Variants in ZNF616 observed in about 807,000 individuals in gnomAD.
ZNF616 encodes the protein zinc finger protein 616.
In ZNF616, 5 loss-of-function variants were observed where a neutral mutation model predicts 7.6. The ratio of observed to expected loss-of-function variants is 0.66; its 90% CI spans 0.34 to 1.38. ZNF616 has a LOEUF of 1.38. Ranked by LOEUF, ZNF616 falls within the 40% of genes most tolerant of loss-of-function variation. The pLI is 0.04. For missense variants in ZNF616, 913 were observed against 948.3 expected (o/e 0.96, Z 0.49); for synonymous variants, 319 against 317.2 (o/e 1.01, Z -0.06).
chr19:52,137,867 G>C (rs1317893192), intron 1 of ZNF616, among the ~76,000 whole-genome samples: 2 of 152,120 alleles, frequency 1.3e-5, no homozygotes, highest in African/African-American at 4.8e-5. Context: ...AATTATAGAA[G>C]AAACTGAATA....
intron 3 of ZNF616, 41 bp downstream of exon 3, chr19:52,123,882 A>G (rs1021875404): frequency 3.1e-6 from 5 of 1,612,594 alleles, no homozygotes; most frequent in Non-Finnish European, 4.2e-6. Context: ...ACAAAAATGC[A>G]CAAGGGCGAA....
chr19:52,115,274 C>T lies in ZNF616; in HGVS notation c.1890G>A (p.Glu630=), dbSNP rs2088808693. Residue 630 remains glutamate (E), a synonymous_variant, in exon 4 of 4, where the codon GAG becomes GAA. Coordinates refer to ENST00000600228, the MANE Select transcript of ZNF616 (RefSeq NM_178523.5). The part of the protein sequence containing the change: ...LNRHQRIHTG[E]KPYKCNQCGN... Reference sequence around the variant, plus strand: ...CACACTGATTGCATTTGTAAGGTTTCTCTCCGGTATGAATTCTCTGATGTC... The same window carrying T: ...CACACTGATTGCATTTGTAAGGTTTTTCTCCGGTATGAATTCTCTGATGTC... The T allele has an allele frequency of 6.2e-7, 1 of 1,614,116 alleles. No homozygotes were observed. Among genetic ancestry groups the T allele is most frequent in the Non-Finnish European group, 8.5e-7 (1 of 1,180,020 alleles).
chr19:52,115,061 A>T lies in ZNF616; in HGVS notation c.2103T>A (p.Ser701Arg). ...TTCTCTGGTGACTTACAAGATGTGA[A>T]CTATGCCTGAATACCTTGCCACATT... ...CDECGKVFRH[S>R]SHLVSHQRIH... The change falls in exon 4 of 4, where the codon AGT (serine) becomes AGA (arginine). Residue 701 changes from serine (S) to arginine (R), a missense_variant. Transcript: ENST00000600228. 6.2e-7 allele frequency: 1 copy of T among 1,614,142 alleles called. No individual in the cohort carries two copies. The highest frequency in any genetic ancestry group is 8.5e-7 in the Non-Finnish European group (1 of 1,180,004).
intron 1 of ZNF616, among the ~76,000 whole-genome samples, chr19:52,137,387 C>T (rs2089021468): frequency 6.6e-6 from 1 of 152,038 alleles, no homozygotes; most frequent in African/African-American, 2.4e-5. Context: ...CACACCACTG[C>T]ACTCTAGCCT....
At chr19:52,127,832 C>CA (rs772232183) in intron 2 of ZNF616, among the ~76,000 whole-genome samples, 4 of 151,928 alleles carry the variant, frequency 2.6e-5, no homozygotes, top group Non-Finnish European at 4.4e-5. Context: ...TGCTTATTAA[C>CA]AAAAAAAGAT....
In ZNF616 at chr19:52,113,742, T is replaced by C. The variant is rs896251160; in HGVS notation, c.*1076A>G. On this transcript the variant is annotated 3_prime_UTR_variant, in exon 4 of 4. Transcript: ENST00000600228. ...ATTTTCTGTTCCTGTGTTAGTTTCC[T>C]GAGGATAATGGCTTCCAGCTCCATC... 8.5e-5 allele frequency: 13 copies of C among 152,196 alleles called. No homozygotes were observed. The highest frequency in any genetic ancestry group is 3.1e-4 in the African/African-American group (13 of 41,428). 9.4% of individuals were successfully genotyped at this position (152,196 alleles called of 1,614,324 possible).
At chr19:52,126,908 C>T (rs79832164) in intron 2 of ZNF616, among the ~76,000 whole-genome samples, 1 of 152,098 alleles carries the variant, frequency 6.6e-6, no homozygotes, top group Admixed American at 6.6e-5. Flanking sequence ...CATTACTGAA[C>T]TTTACATAAG....
At chr19:52,136,731 C>A (rs1423676929) in intron 1 of ZNF616, among the ~76,000 whole-genome samples, 1 of 152,074 alleles carries the variant, frequency 6.6e-6, no homozygotes, top group Non-Finnish European at 1.5e-5. Context: ...AATCTCATTT[C>A]TGGGTATAAA....
At chr19:52,132,643 G>A (rs912452349) in intron 1 of ZNF616, among the ~76,000 whole-genome samples, 4 of 152,108 alleles carry the variant, frequency 2.6e-5, no homozygotes, top group Non-Finnish European at 4.4e-5. Flanking sequence ...TCCTGCTCCC[G>A]CCACGTGAGA....
intron 3 of ZNF616, among the ~76,000 whole-genome samples, chr19:52,120,557 A>T (rs2088857453): frequency 6.6e-6 from 1 of 152,198 alleles, no homozygotes; most frequent in South Asian, 2.1e-4. Flanking sequence ...CCAACTACAT[A>T]CTATCCACAA....
rs184201715 is a variant in ZNF616 at position 52,128,288 on chromosome 19, G to A, written c.12+2213C>T. On this transcript the variant is annotated intron_variant, in intron 2 of 3. Coordinates refer to ENST00000600228, the MANE Select transcript of ZNF616 (RefSeq NM_178523.5). ...TTTCCATTTTCCAATTCCTTGGACT[G>A]TGAGGAGGTTTCATTATTTTGTGGA... Among the ~76,000 whole-genome samples, 70 of 151,932 alleles carry A rather than the reference G, an allele frequency of 4.6e-4. 1 individual carries two copies. Among genetic ancestry groups the A allele is most frequent in the Middle Eastern group, 3.5e-3 (1 of 288 alleles).
intron 3 of ZNF616, among the ~76,000 whole-genome samples, chr19:52,118,778 A>C (rs960656343): frequency 6.6e-6 from 1 of 152,208 alleles, no homozygotes; most frequent in Admixed American, 6.5e-5. Flanking sequence ...GTCTTTACTA[A>C]AAAACAATAT....
chr19:52,116,094 A>G lies in ZNF616; in HGVS notation c.1070T>C (p.Val357Ala), dbSNP rs752484302. Residue 357 changes from valine (V) to alanine (A), a missense_variant, in exon 4 of 4, where the codon GTA becomes GCA. Transcript: ENST00000600228. Reference sequence around the variant, plus strand: ...TCTATGTCTGAATGCCTTGCCACATACATCACATTTATATGGTTTCTTTCC... The same window carrying G: ...TCTATGTCTGAATGCCTTGCCACATGCATCACATTTATATGGTTTCTTTCC... ...HAGKKPYKCD[V>A]CGKAFRHRSN... is the part of the protein sequence containing the mutation. The G allele has an allele frequency of 3.7e-6, 6 of 1,614,156 alleles. No individual in the cohort carries two copies. The highest frequency in any genetic ancestry group is 5.1e-6 in the Non-Finnish European group (6 of 1,180,024).
At chr19:52,122,520 G>C (rs1318130088) in intron 3 of ZNF616, 1 of 151,782 alleles carries the variant, frequency 6.6e-6, no homozygotes, top group Non-Finnish European at 1.5e-5. Flanking sequence ...CAAAAACAAA[G>C]TATGACCAAT....
chr19:52,130,142 G>C (rs1357850507), intron 2 of ZNF616, among the ~76,000 whole-genome samples: 3 of 152,016 alleles, frequency 2.0e-5, no homozygotes, highest in Non-Finnish European at 4.4e-5. Context: ...CTCTATTCCT[G>C]GTCTACAGAA....
rs2089043874 is a variant in ZNF616 at position 52,139,903 on chromosome 19, T to TA, written c.-249dup. ...GTAGACTGAAACACACACACAGCGA[T>TA]AAGGCCTTTCCCTGGCGCAATCTGC... On this transcript the variant is annotated 5_prime_UTR_variant, in exon 1 of 4. Transcript: ENST00000600228. The surrounding 1 kb of genome is among the most constrained non-coding windows in gnomAD (Gnocchi z 4.1). 1 of 152,184 alleles carries TA rather than the reference T, an allele frequency of 6.6e-6. No homozygotes were observed. The highest frequency in any genetic ancestry group is 2.1e-4 in the South Asian group (1 of 4,840). 9.4% of individuals were successfully genotyped at this position (152,184 alleles called of 1,614,324 possible). A position where few individuals can be genotyped will look rare whatever the true frequency, so the allele number is the denominator to read the frequency against.
chr19:52,124,159 A>T, intron 2 of ZNF616, 110 bp from the exon 3 acceptor site: 1 of 1,386,376 alleles, frequency 7.2e-7, no homozygotes, highest in Non-Finnish European at 9.7e-7. Flanking sequence ...TGACATATCT[A>T]TATGGCATCT....
In ZNF616 at chr19:52,116,476, C is replaced by G. The variant is rs764486248; in HGVS notation, c.688G>C (p.Val230Leu). 1 of 1,614,062 alleles carries G rather than the reference C, an allele frequency of 6.2e-7. No individual in the cohort carries two copies. Among genetic ancestry groups the G allele is most frequent in the South Asian group, 1.1e-5 (1 of 91,078 alleles). The change falls in exon 4 of 4, where the codon GTA becomes CTA. Residue 230 changes from valine (V) to leucine (L), a missense_variant. Physicochemically the swap from Val to Leu is conservative, Grantham distance 32 (BLOSUM62 1). Coordinates refer to ENST00000600228, the MANE Select transcript of ZNF616 (RefSeq NM_178523.5). ...CCTCTTGTATGGACTACCTTGTGTACAGTTAGTAGTGAGGCCCGATGAAAG... is the reference window on the plus strand; with the variant it reads ...CCTCTTGTATGGACTACCTTGTGTAGAGTTAGTAGTGAGGCCCGATGAAAG... ...KAFHRASLLT[V>L]HKVVHTRGKS... is the part of the protein sequence containing the mutation.
At chr19:52,122,548 T>C (rs1316469708) in intron 3 of ZNF616, 6 of 151,946 alleles carry the variant, frequency 3.9e-5, no homozygotes, top group African/African-American at 1.4e-4. Flanking sequence ...ATGGTATTTC[T>C]ACAATGAAGA....
Sources: gnomAD v4.1 joint callset for allele counts (sites outside exome capture counted in the v4.1 genomes callset) on GRCh38, gnomAD v4.1.1 for gene constraint, Gnocchi (gnomAD v3.1) non-coding constraint, MANE v1.5 for transcripts, NCBI Gene and HGNC (gene_info 2026-07-23, HGNC 2026-07-21) for gene names.